Variants in PIWIL2 observed in about 807,000 individuals in gnomAD.
The protein encoded by PIWIL2 is piwi-like protein 2.
In PIWIL2, 81 loss-of-function variants were observed where a neutral mutation model predicts 116.5. That is an observed-to-expected ratio of 0.70 (90% CI 0.58 to 0.84). The LOEUF (loss-of-function observed/expected upper bound fraction) is 0.84. PIWIL2 is among the 40% of genes least tolerant of loss of function. PIWIL2 has a pLI of 0.00. For synonymous variants in PIWIL2, 489 were observed against 429.5 expected (o/e 1.14, Z -1.71); for missense variants, 1,272 against 1,212.3 (o/e 1.05, Z -0.73).
At chr8:22,329,191 A>C (rs937455732) in intron 20 of PIWIL2, among the ~76,000 whole-genome samples, 1 of 152,204 alleles carries the variant, frequency 6.6e-6, no homozygotes, top group African/African-American at 2.4e-5. Context: ...ATTTTATCAG[A>C]TGATTTTTCT....
At chr8:22,284,861 T>G (rs1830595972) in intron 6 of PIWIL2, among the ~76,000 whole-genome samples, 1 of 152,148 alleles carries the variant, frequency 6.6e-6, no homozygotes, top group Non-Finnish European at 1.5e-5. Flanking sequence ...TCTTAATATC[T>G]TAGAGGAGTC....
At chr8:22,320,527 T>C (rs916788235) in intron 20 of PIWIL2, among the ~76,000 whole-genome samples, 1 of 151,966 alleles carries the variant, frequency 6.6e-6, no homozygotes, top group Non-Finnish European at 1.5e-5. Context: ...TCCGCCCGCC[T>C]CAGCCTCTCA....
At chr8:22,321,952 C>G (rs1586577919) in intron 20 of PIWIL2, 4 of 985,228 alleles carry the variant, frequency 4.1e-6, no homozygotes, top group Non-Finnish European at 4.8e-6. Flanking sequence ...CCCATTTTCT[C>G]CATTCTAAAT....
chr8:22,289,152 C>CTTTTTTTTTT, intron 8 of PIWIL2, among the ~76,000 whole-genome samples: 1 of 135,284 alleles, frequency 7.4e-6, no homozygotes, highest in Non-Finnish European at 1.6e-5. Context: ...TTTCTTTTTT[C>CTTTTTTTTTT]TTTTTTTTTT....
Position 22,310,966 on chromosome 8 carries a change from G to A in PIWIL2, c.1801-146G>A, listed in dbSNP as rs2132043204. The A allele has an allele frequency of 4.5e-6, 3 of 667,734 alleles. No homozygotes were observed. In the South Asian group the frequency reaches 6.4e-5, roughly 14 times the overall value. 41.4% of individuals were successfully genotyped at this position (667,734 alleles called of 1,614,324 possible). ...GACTACGCCACAGTTTTCTTATCAT[G>A]TACGTTCATGTTAATACAGGAGTTA... On this transcript the variant is annotated intron_variant, in intron 15 of 22. Coordinates refer to ENST00000356766, the MANE Select transcript of PIWIL2 (RefSeq NM_018068.5).
chr8:22,311,067 A>T, intron 15 of PIWIL2, 45 bp from the exon 16 acceptor site: 1 of 1,463,384 alleles, frequency 6.8e-7, no homozygotes, highest in Non-Finnish European at 9.4e-7. Flanking sequence ...TGAGTTTGGG[A>T]TATTTAAATT....
chr8:22,287,125 A>G (rs1830646002), intron 6 of PIWIL2, among the ~76,000 whole-genome samples: 1 of 152,066 alleles, frequency 6.6e-6, no homozygotes, highest in South Asian at 2.1e-4. Context: ...TCCTCTTAAA[A>G]TGGAGTGACA....
chr8:22,284,112 T>C, intron 5 of PIWIL2, 50 bp from the exon 6 acceptor site: 1 of 947,220 alleles, frequency 1.1e-6, no homozygotes, highest in Non-Finnish European at 1.6e-6. Flanking sequence ...TTAGTTATTT[T>C]GTTTTTTTGT....
At chr8:22,283,663 C>T (rs1830565021) in intron 5 of PIWIL2, among the ~76,000 whole-genome samples, 1 of 152,182 alleles carries the variant, frequency 6.6e-6, no homozygotes. Flanking sequence ...CCCGCCTCGG[C>T]CTCCCAAGGT....
intron 20 of PIWIL2, among the ~76,000 whole-genome samples, chr8:22,346,943 G>A (rs956526865): frequency 1.3e-5 from 2 of 151,956 alleles, no homozygotes; most frequent in African/African-American, 2.4e-5. Context: ...GGAGGACGAG[G>A]TAGGAGGAGC....
chr8:22,281,140 C>T lies in PIWIL2; in HGVS notation c.219C>T (p.Ser73=). 6.2e-7 allele frequency: 1 copy of T among 1,611,884 alleles called. No individual in the cohort carries two copies. The highest frequency in any genetic ancestry group is 8.5e-7 in the Non-Finnish European group (1 of 1,178,976). Residue 73 remains serine (S), a synonymous_variant, in exon 3 of 23, where the codon TCC becomes TCT. Coordinates refer to ENST00000356766, the MANE Select transcript of PIWIL2 (RefSeq NM_018068.5). ...CACAGGAGTCTGTGGGTTTGGTCTC[C>T]ATGTTCCGAGGCCTGGGCATTGAAA... ...PAQRESVGLV[S]MFRGLGIETV...
Position 22,353,228 on chromosome 8 carries a change from A to G in PIWIL2, c.2657+16A>G. On this transcript the variant is annotated intron_variant, in intron 21 of 22. Transcript: ENST00000356766. ...GCTGTGAGTGGTAAGTGAGCAAAAT[A>G]TGTAGTATTGGAGGAAGAATAAGTT... The G allele has an allele frequency of 1.2e-6, 2 of 1,601,552 alleles. No individual in the cohort carries two copies. The highest frequency in any genetic ancestry group is 1.7e-5 in the Admixed American group (1 of 59,642).
chr8:22,307,473 ATTT>A (rs56755716), intron 13 of PIWIL2, among the ~76,000 whole-genome samples: 4,230 of 110,486 alleles, frequency 0.038, 205 homozygotes, highest in African/African-American at 0.13. Flanking sequence ...TTTATTATTC[ATTT>A]TTTTTTTTTT....
At chr8:22,285,607 C>G (rs890982157) in intron 6 of PIWIL2, among the ~76,000 whole-genome samples, 9 of 151,830 alleles carry the variant, frequency 5.9e-5, no homozygotes, top group African/African-American at 2.2e-4. Flanking sequence ...CATATTAGTA[C>G]TATTTTTAGT....
At chr8:22,308,281 T>C (rs1350177275) in intron 14 of PIWIL2, among the ~76,000 whole-genome samples, 3 of 152,062 alleles carry the variant, frequency 2.0e-5, no homozygotes, top group African/African-American at 7.2e-5. Context: ...TAAGTATTTC[T>C]AATGGCTGCC....
At chr8:22,344,724 A>T (rs1276322345) in intron 20 of PIWIL2, among the ~76,000 whole-genome samples, 1 of 152,120 alleles carries the variant, frequency 6.6e-6, no homozygotes, top group Non-Finnish European at 1.5e-5. Flanking sequence ...AAATGAAAAT[A>T]AATTATCTGG....
At position 22,305,923 on chromosome 8, in the gene PIWIL2, A is replaced by C. The variant is rs372205909; in HGVS notation, c.1456-4A>C. 1.9e-6 allele frequency: 3 copies of C among 1,611,778 alleles called. No homozygotes were observed. In the South Asian group the frequency reaches 3.3e-5, roughly 18 times the overall value. ...TATTTTCCCTCTTCGTTCTCTCTTC[A>C]AAGCTGCTAAAAGGGGAAATCCTGC... On this transcript the variant is annotated splice_region_variant and splice_polypyrimidine_tract_variant and intron_variant, in intron 12 of 22. Transcript: ENST00000356766.
intron 18 of PIWIL2, 78 bp from the exon 19 acceptor site, chr8:22,316,167 A>G: frequency 1.2e-6 from 1 of 848,532 alleles, no homozygotes; most frequent in Non-Finnish European, 2.0e-6. Context: ...TTGCTTTGGG[A>G]TTCAGACAGT....
intron 8 of PIWIL2, among the ~76,000 whole-genome samples, chr8:22,289,246 T>C (rs1466012382): frequency 6.6e-6 from 1 of 151,120 alleles, no homozygotes; most frequent in East Asian, 1.9e-4. Context: ...TCCGACTCCC[T>C]GGTTCAAGTG....
Sources: allele counts gnomAD v4.1 joint callset (sites outside exome capture counted in the v4.1 genomes callset), GRCh38; gene constraint gnomAD v4.1.1; transcripts MANE v1.5; gene names NCBI Gene and HGNC (gene_info 2026-07-23, HGNC 2026-07-21).